The following PPP2R5E variants were observed in gnomAD, a reference collection of about 807,000 sequenced individuals.
The protein encoded by PPP2R5E is protein phosphatase 2 regulatory subunit B'epsilon.
PPP2R5E carries 4 observed loss-of-function variants against 65.3 expected under a neutral mutation model. That is an observed-to-expected ratio of 0.06 (90% CI 0.03 to 0.14). PPP2R5E has a LOEUF of 0.14. PPP2R5E is among the 10% of genes least tolerant of loss of function. The probability of loss-of-function intolerance (pLI) is 1.00; values close to 1 mark genes in which losing one functional copy is unlikely to be tolerated. For missense variants in PPP2R5E, 274 were observed against 556.1 expected (o/e 0.49, Z 5.10); for synonymous variants, 183 against 187.4 (o/e 0.98, Z 0.19).
chr14:63,510,518 G>A (rs1892407000), intron 2 of PPP2R5E, among the ~76,000 whole-genome samples: 1 of 152,238 alleles, frequency 6.6e-6, no homozygotes, highest in Admixed American at 6.5e-5. Context: ...GTTATTTTAT[G>A]TAGTGTATCA....
At chr14:63,419,165 T>A (rs892110993) in intron 4 of PPP2R5E, among the ~76,000 whole-genome samples, 1 of 152,134 alleles carries the variant, frequency 6.6e-6, no homozygotes, top group Non-Finnish European at 1.5e-5. Context: ...ATTTTGTGTA[T>A]GCCACAAATT....
At chr14:63,537,989 A>G (rs1893740700) in intron 2 of PPP2R5E, among the ~76,000 whole-genome samples, 1 of 152,234 alleles carries the variant, frequency 6.6e-6, no homozygotes, top group Non-Finnish European at 1.5e-5. Flanking sequence ...TGAAATGCCT[A>G]ATTTAGAAAA....
At position 63,406,452 on chromosome 14, in the gene PPP2R5E, T is replaced by A. The variant is rs552467800; in HGVS notation, c.549+8688A>T. Among the ~76,000 whole-genome samples the A allele has an allele frequency of 2.0e-5, 3 of 151,998 alleles. No individual in the cohort carries two copies. The East Asian group carries it at 5.8e-4, about 29-fold the overall frequency. On this transcript the variant is annotated intron_variant, in intron 5 of 13. Coordinates refer to ENST00000337537, the MANE Select transcript of PPP2R5E (RefSeq NM_006246.5). ...GAAAAAGAAAAACAACAGACTGTTT[T>A]GTCTGGCTCTACCAAAATATGGCTT...
At chr14:63,516,241 A>G (rs1892666499) in intron 2 of PPP2R5E, among the ~76,000 whole-genome samples, 1 of 152,242 alleles carries the variant, frequency 6.6e-6, no homozygotes. Flanking sequence ...AGACATGTCA[A>G]TGACGACCCT....
intron 3 of PPP2R5E, chr14:63,451,822 A>G (rs1888848692): frequency 6.6e-6 from 1 of 152,126 alleles, no homozygotes; most frequent in Non-Finnish European, 1.5e-5. Context: ...TTGTGCAGGG[A>G]CAGGGGCATA....
intron 1 of PPP2R5E, among the ~76,000 whole-genome samples, chr14:63,542,557 G>GA (rs1893943148): frequency 6.6e-6 from 1 of 152,092 alleles, no homozygotes; most frequent in Non-Finnish European, 1.5e-5. Flanking sequence ...AGAAGGTGGA[G>GA]AAAAAGGGGG....
chr14:63,512,896 A>G (rs866775696), intron 2 of PPP2R5E, among the ~76,000 whole-genome samples: 4 of 152,164 alleles, frequency 2.6e-5, no homozygotes, highest in Non-Finnish European at 2.9e-5. Context: ...ATTGAGTTTT[A>G]AACAACTAGT....
intron 5 of PPP2R5E, among the ~76,000 whole-genome samples, chr14:63,412,475 A>G (rs1331612005): frequency 6.6e-6 from 1 of 152,232 alleles, no homozygotes; most frequent in Non-Finnish European, 1.5e-5. Flanking sequence ...GACCAGGCTC[A>G]GGGCATTCTG....
At chr14:63,504,586 A>T (rs1780157174) in intron 2 of PPP2R5E, among the ~76,000 whole-genome samples, 1 of 152,210 alleles carries the variant, frequency 6.6e-6, no homozygotes, top group South Asian at 2.1e-4. Flanking sequence ...CACCTCAAAA[A>T]AAGAGGAAAA....
At chr14:63,539,490 C>T (rs773580289) in intron 2 of PPP2R5E, 39 bp downstream of exon 2, 2 of 1,586,210 alleles carry the variant, frequency 1.3e-6, no homozygotes, top group Admixed American at 1.8e-5. Flanking sequence ...GTAGAAAGAT[C>T]AATTGAAAAA....
chr14:63,415,955 A>T (rs930707007), intron 4 of PPP2R5E, among the ~76,000 whole-genome samples: 2 of 152,230 alleles, frequency 1.3e-5, no homozygotes, highest in Non-Finnish European at 2.9e-5. Context: ...TTTGATACTC[A>T]CTGACAAATT....
Position 63,414,273 on chromosome 14 carries a change from T to A in PPP2R5E, c.549+867A>T, listed in dbSNP as rs900448993. Among the ~76,000 whole-genome samples, 5 of 152,120 alleles carry A rather than the reference T, an allele frequency of 3.3e-5. No homozygotes were observed. The South Asian group carries it at 1.1e-3, about 33-fold the overall frequency. ...CACAGGAGACCAATTTCCTGCCAAATTAATGTTTTACTTTTTATTTTATTT... is the reference window on the plus strand; with the variant it reads ...CACAGGAGACCAATTTCCTGCCAAAATAATGTTTTACTTTTTATTTTATTT... On this transcript the variant is annotated intron_variant, in intron 5 of 13. Coordinates refer to ENST00000337537, the MANE Select transcript of PPP2R5E (RefSeq NM_006246.5).
chr14:63,487,531 T>G (rs1395424961), intron 2 of PPP2R5E, among the ~76,000 whole-genome samples: 2 of 152,300 alleles, frequency 1.3e-5, no homozygotes, highest in Non-Finnish European at 2.9e-5. Flanking sequence ...ATGCCAACGA[T>G]GTAGGCATTT....
intron 2 of PPP2R5E, among the ~76,000 whole-genome samples, chr14:63,519,444 G>A (rs1206475963): frequency 6.6e-6 from 1 of 151,372 alleles, no homozygotes; most frequent in Non-Finnish European, 1.5e-5. Context: ...TCTGCCTCCC[G>A]GGTTCAAGTG....
intron 13 of PPP2R5E, among the ~76,000 whole-genome samples, chr14:63,379,364 C>T (rs777423100): frequency 3.3e-5 from 5 of 152,182 alleles, no homozygotes; most frequent in Middle Eastern, 3.4e-3. Flanking sequence ...CTCCCCTTCC[C>T]GGGTTCAAGT....
intron 3 of PPP2R5E, among the ~76,000 whole-genome samples, chr14:63,430,357 A>ACATACATG (rs1566696301): frequency 7.8e-6 from 1 of 128,182 alleles, no homozygotes; most frequent in African/African-American, 3.8e-5. Context: ...ATACATACAT[A>ACATACATG]CATACATACA....
intron 2 of PPP2R5E, among the ~76,000 whole-genome samples, chr14:63,475,938 G>A (rs542902960): frequency 6.6e-6 from 1 of 152,258 alleles, no homozygotes; most frequent in East Asian, 1.9e-4. Context: ...TCTGACAAAT[G>A]CTTAACTACA....
At chr14:63,475,794 A>G (rs1890383009) in intron 2 of PPP2R5E, among the ~76,000 whole-genome samples, 1 of 151,978 alleles carries the variant, frequency 6.6e-6, no homozygotes, top group Non-Finnish European at 1.5e-5. Flanking sequence ...GTTTTTTTAA[A>G]TAGCATGCAT....
chr14:63,534,324 G>C (rs371616143), intron 2 of PPP2R5E, among the ~76,000 whole-genome samples: 25 of 152,076 alleles, frequency 1.6e-4, no homozygotes, highest in African/African-American at 5.5e-4. Flanking sequence ...GTTTATAGTG[G>C]CACAATATGA....
Sources: allele counts gnomAD v4.1 joint callset (sites outside exome capture counted in the v4.1 genomes callset), GRCh38; gene constraint gnomAD v4.1.1; transcripts MANE v1.5; gene names NCBI Gene and HGNC (gene_info 2026-07-23, HGNC 2026-07-21).